The following MTRFR variants were observed in gnomAD, a reference collection of about 807,000 sequenced individuals.
MTRFR encodes the protein probable peptide chain release factor C12orf65, mitochondrial.
Under a neutral mutation model 11.9 loss-of-function variants are expected in MTRFR, and 10 were observed. The observed-to-expected ratio is 0.84, with a 90% CI of 0.52 to 1.42. The LOEUF is 1.42. Among genes scored for constraint, MTRFR ranks in the 40% most tolerant of loss-of-function variants. MTRFR has a pLI of 0.00. For missense variants in MTRFR, 196 were observed against 197.9 expected, an observed-to-expected ratio of 0.99 and a Z score of 0.06; for synonymous variants, 77 against 79.1, an observed-to-expected ratio of 0.97 and a Z score of 0.14.
intron 1 of MTRFR, among the ~76,000 whole-genome samples, chr12:123,246,916 A>C (rs1173661701): frequency 1.3e-5 from 2 of 151,340 alleles, no homozygotes; most frequent in African/African-American, 2.4e-5. Flanking sequence ...TTTTTAGTAG[A>C]GACAGGGTTT....
chr12:123,246,606 A>G (rs565663466), intron 1 of MTRFR, among the ~76,000 whole-genome samples: 11 of 150,844 alleles, frequency 7.3e-5, no homozygotes, highest in Admixed American at 7.2e-4. Context: ...GGCACCTGGC[A>G]CTACACCCAG....
At chr12:123,250,874 A>G (rs2048103609) in intron 1 of MTRFR, 1 of 152,222 alleles carries the variant, frequency 6.6e-6, no homozygotes. Flanking sequence ...GGGAGGAACC[A>G]GCAGTGGGCG....
intron 1 of MTRFR, among the ~76,000 whole-genome samples, chr12:123,241,527 AC>A (rs2047936910): frequency 6.6e-6 from 1 of 151,990 alleles, no homozygotes; most frequent in East Asian, 1.9e-4. Context: ...TTTAGTAGAG[AC>A]GGGGTTTCAC....
At chr12:123,248,964 C>T (rs2048079545) in intron 1 of MTRFR, 1 of 88,844 alleles carries the variant, frequency 1.1e-5, no homozygotes, top group Non-Finnish European at 3.4e-5. Flanking sequence ...CTAGATTTAG[C>T]TAGACACAGC....
chr12:123,243,462 G>A (rs540491897), intron 1 of MTRFR, among the ~76,000 whole-genome samples: 3 of 151,900 alleles, frequency 2.0e-5, no homozygotes, highest in East Asian at 1.9e-4. Flanking sequence ...CCCGGGAGGC[G>A]GAGCTTGCAG....
At chr12:123,245,424 G>T (rs1463705091) in intron 1 of MTRFR, among the ~76,000 whole-genome samples, 1 of 152,062 alleles carries the variant, frequency 6.6e-6, no homozygotes, top group Non-Finnish European at 1.5e-5. Context: ...AAGAATGATG[G>T]TGGTGGTATT....
At chr12:123,240,111 C>A (rs1432788492) in intron 1 of MTRFR, among the ~76,000 whole-genome samples, 1 of 151,696 alleles carries the variant, frequency 6.6e-6, no homozygotes, top group East Asian at 1.9e-4. Context: ...CGCCTGTAAT[C>A]CCAGCACTTT....
intron 1 of MTRFR, chr12:123,252,074 G>C (rs183199750): frequency 6.6e-6 from 1 of 152,212 alleles, no homozygotes; most frequent in African/African-American, 2.4e-5. Flanking sequence ...TAACCTGTAA[G>C]CTCCAAGAAG....
intron 1 of MTRFR, chr12:123,240,780 C>T: frequency 7.5e-6 from 1 of 133,912 alleles, no homozygotes; most frequent in African/African-American, 2.9e-5. Context: ...GTACCCCAGG[C>T]TGGAGTGCAG....
At chr12:123,238,748 G>T (rs2047888407) in intron 1 of MTRFR, among the ~76,000 whole-genome samples, 1 of 152,146 alleles carries the variant, frequency 6.6e-6, no homozygotes, top group South Asian at 2.1e-4. Context: ...TAGGCTGCAG[G>T]TTCTCATTTG....
Position 123,256,938 on chromosome 12 carries a change from G to GA in MTRFR, c.414dup (p.Gln139ThrfsTer18). 6.2e-7 allele frequency: 1 copy of GA among 1,612,754 alleles called. No homozygotes were observed. Among genetic ancestry groups the GA allele is most frequent in the Non-Finnish European group, 8.5e-7 (1 of 1,179,700 alleles). On this transcript the variant is annotated frameshift_variant, in exon 3 of 3. Coordinates refer to ENST00000253233, the MANE Select transcript of MTRFR (RefSeq NM_152269.5). LOFTEE classifies it high-confidence loss of function. ...ACAAAGAAAAACGAGAAGCGGCGAA[G>GA]AAAAAACAAGAAAGGAAAAAAAGAG...
At chr12:123,233,181 C>T (rs2047749605), upstream of MTRFR, 2 of 152,124 alleles carry the variant, frequency 1.3e-5, no homozygotes. Context: ...GATTGGCTGC[C>T]CGGAAGGAGG....
rs766114484 is a variant in MTRFR, at chr12:123,253,107, T to TTTTTTTTTTTTTTTTTTTTTTG, written c.-28-540_-28-539insTTTTTTTTTTTTTTTTTTTTTG. ...TTTTTTTTTTTTTTTTTTTTTTTTT[T>TTTTTTTTTTTTTTTTTTTTTTG]GAGACACTGTCTCGCTCTGTTGTCC... On this transcript the variant is annotated intron_variant, in intron 1 of 2. Transcript: ENST00000253233. Among the ~76,000 whole-genome samples the TTTTTTTTTTTTTTTTTTTTTTG allele has an allele frequency of 6.8e-4, 43 of 63,358 alleles. 15 individuals are homozygous for TTTTTTTTTTTTTTTTTTTTTTG. Among genetic ancestry groups the TTTTTTTTTTTTTTTTTTTTTTG allele is most frequent in the East Asian group, 1.4e-3 (2 of 1,440 alleles). The allele number at this position is 63,358 out of a possible 152,430, so 41.6% of individuals were successfully genotyped here.
In MTRFR at chr12:123,256,835, A is replaced by T; in HGVS notation, c.305A>T (p.Asp102Val). ...CAGTGCCATCAGACAAGATCAGTTGATCAGAACAGAAAGCTAGCTCGGAAA... is the reference window on the plus strand; with the variant it reads ...CAGTGCCATCAGACAAGATCAGTTGTTCAGAACAGAAAGCTAGCTCGGAAA... ...VVKCHQTRSV[D>V]QNRKLARKIL... is the part of the protein sequence containing the mutation. The change falls in exon 3 of 3, where the codon GAT becomes GTT. Residue 102 changes from aspartate (D) to valine (V), a missense_variant. Transcript: ENST00000253233. 1 of 1,613,346 alleles carries T rather than the reference A, an allele frequency of 6.2e-7. No individual in the cohort carries two copies. Among genetic ancestry groups the T allele is most frequent in the Non-Finnish European group, 8.5e-7 (1 of 1,179,284 alleles).
rs189376747 is a variant in MTRFR at position 123,236,902 on chromosome 12, G to A, written c.-29+3371G>A. ...AGTTCAACACCAGCCTGAGAAACAC[G>A]GTGAATCCCCATCTCTACTAAAAAT... On this transcript the variant is annotated intron_variant, in intron 1 of 2. Transcript: ENST00000253233. 5.9e-5 allele frequency among the ~76,000 whole-genome samples: 9 copies of A among 151,970 alleles called. No homozygotes were observed. The East Asian group carries it at 1.2e-3, about 20-fold the overall frequency.
intron 1 of MTRFR, among the ~76,000 whole-genome samples, chr12:123,238,645 C>T (rs186599578): frequency 6.6e-6 from 1 of 152,244 alleles, no homozygotes; most frequent in Admixed American, 6.5e-5. Context: ...TTAAAAGTGT[C>T]TGTCCTAGCA....
At position 123,256,882 on chromosome 12, in the gene MTRFR, G is replaced by A. The variant is rs1293454440; in HGVS notation, c.352G>A (p.Val118Ile). 2.5e-6 allele frequency: 4 copies of A among 1,613,726 alleles called. No homozygotes were observed. The East Asian group carries it at 8.9e-5, about 36-fold the overall frequency. ...ARKILQEKVD[V>I]FYNGENSPVH... ...GAAAATCCTACAAGAGAAAGTAGAT[G>A]TTTTCTACAATGGTGAAAACAGTCC... Residue 118 changes from valine to isoleucine, a missense_variant, in exon 3 of 3, where the codon GTT becomes ATT. Transcript: ENST00000253233.
At position 123,256,870 on chromosome 12, in the gene MTRFR, G is replaced by A. The variant is rs2048187406; in HGVS notation, c.340G>A (p.Glu114Lys). 6.2e-7 allele frequency: 1 copy of A among 1,613,846 alleles called. No individual in the cohort carries two copies. Among genetic ancestry groups the A allele is most frequent in the Non-Finnish European group, 8.5e-7 (1 of 1,179,908 alleles). The change falls in exon 3 of 3, where the codon GAG (glutamate) becomes AAG (lysine). Residue 114 changes from glutamate (E) to lysine (K), a missense_variant. By Grantham distance (56) the Glu-to-Lys change is moderately conservative (BLOSUM62 1). Transcript: ENST00000253233. Reference sequence around the variant, plus strand: ...AAAGCTAGCTCGGAAAATCCTACAAGAGAAAGTAGATGTTTTCTACAATGG... The same window carrying A: ...AAAGCTAGCTCGGAAAATCCTACAAAAGAAAGTAGATGTTTTCTACAATGG... ...NRKLARKILQEKVDVFYNGEN... is the reference protein window; with the variant it reads ...NRKLARKILQKKVDVFYNGEN...
chr12:123,244,355 C>A (rs2138766151), intron 1 of MTRFR, among the ~76,000 whole-genome samples: 1 of 152,228 alleles, frequency 6.6e-6, no homozygotes, highest in Non-Finnish European at 1.5e-5. Context: ...TCACTTGAAC[C>A]CAGGAGGCAG....
Sources: allele counts gnomAD v4.1 joint callset (sites outside exome capture counted in the v4.1 genomes callset), GRCh38; gene constraint gnomAD v4.1.1; transcripts MANE v1.5; gene names NCBI Gene and HGNC (gene_info 2026-07-23, HGNC 2026-07-21).